GABPB2: variants seen among roughly 807,000 people sequenced by gnomAD.
GABPB2 encodes the protein GA binding protein transcription factor subunit beta 2.
A neutral mutation model predicts 39.1 loss-of-function variants in GABPB2; 23 were observed. That is an observed-to-expected ratio of 0.59 (90% CI 0.42 to 0.83). The LOEUF is 0.83. Among genes scored for constraint, GABPB2 ranks in the 40% least tolerant of loss-of-function variants. The pLI is 0.00. For synonymous variants in GABPB2, 184 were observed against 199.3 expected (o/e 0.92, Z 0.65); for missense variants, 467 against 541.1 (o/e 0.86, Z 1.36).
At chr1:151,077,751 G>A in intron 1 of GABPB2, among the ~76,000 whole-genome samples, 1 of 146,850 alleles carries the variant, frequency 6.8e-6, no homozygotes. Flanking sequence ...AGGAGTTCAA[G>A]ACCAGCCTGA....
intron 1 of GABPB2, among the ~76,000 whole-genome samples, chr1:151,074,791 C>A (rs1677030012): frequency 6.6e-6 from 1 of 152,006 alleles, no homozygotes; most frequent in Non-Finnish European, 1.5e-5. Context: ...TTACTATGGC[C>A]TGTTTTATCA....
At chr1:151,102,060 C>T (rs1292330391) in intron 5 of GABPB2, among the ~76,000 whole-genome samples, 1 of 152,188 alleles carries the variant, frequency 6.6e-6, no homozygotes, top group Non-Finnish European at 1.5e-5. Flanking sequence ...GTGGCTCATG[C>T]CTATAATCCC....
In GABPB2 at chr1:151,100,580, C is replaced by CT. The variant is rs35251516; in HGVS notation, c.622+2604dup. On this transcript the variant is annotated intron_variant, in intron 5 of 8. Coordinates refer to ENST00000368918, the MANE Select transcript of GABPB2 (RefSeq NM_144618.3). ...ACAAGTGTGAGCCACTGTGCCTGGC[C>CT]TTTTTTTTTTTTTTTTTTTTTTTTT... Among the ~76,000 whole-genome samples, 278 of 46,720 alleles carry CT rather than the reference C, an allele frequency of 6.0e-3. 86 individuals are homozygous for CT. Among genetic ancestry groups the CT allele is most frequent in the South Asian group, 0.013 (10 of 762 alleles). The allele number at this position is 46,720 out of a possible 152,430, so 30.7% of individuals were successfully genotyped here.
At chr1:151,084,853 A>G (rs1180720111) in intron 1 of GABPB2, among the ~76,000 whole-genome samples, 1 of 151,904 alleles carries the variant, frequency 6.6e-6, no homozygotes, top group Non-Finnish European at 1.5e-5. Flanking sequence ...TTTTTAAAAA[A>G]CATACCTGCC....
At chr1:151,100,183 C>T (rs1262917266) in intron 5 of GABPB2, among the ~76,000 whole-genome samples, 3 of 145,866 alleles carry the variant, frequency 2.1e-5, no homozygotes, top group African/African-American at 2.5e-5. Flanking sequence ...CTCGCTCTGT[C>T]GCCCAGGCTG....
Position 151,120,835 on chromosome 1 carries a change from C to T in GABPB2, c.*2579C>T, listed in dbSNP as rs1350339250. 3 of 150,564 alleles carry T rather than the reference C, an allele frequency of 2.0e-5. No individual in the cohort carries two copies. The highest frequency in any genetic ancestry group is 4.4e-5 in the Non-Finnish European group (3 of 67,886). 9.3% of individuals were successfully genotyped at this position (150,564 alleles called of 1,614,324 possible). A position where few individuals can be genotyped will look rare whatever the true frequency, so the allele number is the denominator to read the frequency against. On this transcript the variant is annotated 3_prime_UTR_variant, in exon 9 of 9. Transcript: ENST00000368918. The stretch of plus-strand genomic sequence containing the variant: ...GCAATGGTGTGATCTCAACTCACCG[C>T]AACTTCCACCTCCCGGTTTCAAGCT...
At chr1:151,104,890 T>C (rs1571963412) in intron 6 of GABPB2, among the ~76,000 whole-genome samples, 1 of 150,276 alleles carries the variant, frequency 6.7e-6, no homozygotes. Context: ...CTCTCTCTCT[T>C]TCTCTCTTTC....
At chr1:151,079,789 G>C (rs587711609) in intron 1 of GABPB2, among the ~76,000 whole-genome samples, 1 of 151,880 alleles carries the variant, frequency 6.6e-6, no homozygotes, top group Non-Finnish European at 1.5e-5. Flanking sequence ...CCAGCTACTC[G>C]GGAGGCTGAG....
In GABPB2 at chr1:151,117,964, A is replaced by G. The variant is rs750542693; in HGVS notation, c.1055A>G (p.Asn352Ser). Residue 352 changes from asparagine to serine, a missense_variant, in exon 9 of 9, where the codon AAT (asparagine) becomes AGT (serine). Coordinates refer to ENST00000368918, the MANE Select transcript of GABPB2 (RefSeq NM_144618.3). ...CATGGCTTACTTTTACAGGAAGGCAATGAAAGAGAGCTACTACAGCAACAA... is the reference window on the plus strand; with the variant it reads ...CATGGCTTACTTTTACAGGAAGGCAGTGAAAGAGAGCTACTACAGCAACAA... The part of the protein sequence containing the change: ...TNSVEESKEG[N>S]ERELLQQQLQ... The G allele has an allele frequency of 1.3e-5, 21 of 1,609,202 alleles. 1 individual carries two copies. The South Asian group carries it at 1.9e-4, about 14-fold the overall frequency.
At chr1:151,104,165 A>G (rs587599770) in intron 6 of GABPB2, among the ~76,000 whole-genome samples, 1 of 152,322 alleles carries the variant, frequency 6.6e-6, no homozygotes, top group South Asian at 2.1e-4. Context: ...AAAGGAGTTG[A>G]GCAAATATAG....
At chr1:151,116,130 G>A (rs1027409571) in intron 7 of GABPB2, among the ~76,000 whole-genome samples, 5 of 147,076 alleles carry the variant, frequency 3.4e-5, no homozygotes, top group African/African-American at 1.0e-4. Flanking sequence ...GGTAGCTCAC[G>A]CCTGTAATCC....
rs753881431 is a variant in GABPB2 at position 151,117,389 on chromosome 1, T to C, written c.923-3T>C. ...CCTCCAATTGGTGTCCTTTGACTTG[T>C]AGTTCTAACTGTACCTGCTGGTAAG... On this transcript the variant is annotated splice_polypyrimidine_tract_variant and splice_region_variant and intron_variant, in intron 7 of 8. Transcript: ENST00000368918. 4 of 1,613,356 alleles carry C rather than the reference T, an allele frequency of 2.5e-6. No homozygotes were observed. The highest frequency in any genetic ancestry group is 3.4e-6 in the Non-Finnish European group (4 of 1,179,580).
chr1:151,119,934 A>AG lies in GABPB2; in HGVS notation c.*1678_*1679insG, dbSNP rs1681118235. On this transcript the variant is annotated 3_prime_UTR_variant, in exon 9 of 9. Coordinates refer to ENST00000368918, the MANE Select transcript of GABPB2 (RefSeq NM_144618.3). Reference sequence around the variant, plus strand: ...AGACTCTGTCTCAAAAAAAAAAAAAAAGGAAATTGAAATAGAGTTTTTAAA... The same window carrying AG: ...AGACTCTGTCTCAAAAAAAAAAAAAAGAGGAAATTGAAATAGAGTTTTTAAA... 1 of 151,938 alleles carries AG rather than the reference A, an allele frequency of 6.6e-6. No individual in the cohort carries two copies. Among genetic ancestry groups the AG allele is most frequent in the East Asian group, 1.9e-4 (1 of 5,176 alleles). 9.4% of individuals were successfully genotyped at this position (151,938 alleles called of 1,614,324 possible).
intron 1 of GABPB2, among the ~76,000 whole-genome samples, chr1:151,080,357 C>T (rs1220264014): frequency 6.8e-6 from 1 of 146,760 alleles, no homozygotes; most frequent in Non-Finnish European, 1.5e-5. Flanking sequence ...ACTAAAAATA[C>T]AATATTAGCT....
At position 151,081,029 on chromosome 1, in the gene GABPB2, C is replaced by T. The variant is rs1226367382; in HGVS notation, c.1-7161C>T. Among the ~76,000 whole-genome samples the T allele has an allele frequency of 3.3e-5, 5 of 150,314 alleles. No individual in the cohort carries two copies. In the South Asian group the frequency reaches 6.3e-4, roughly 19 times the overall value. ...CTGGGACTACACGGGCCCACCACCACGCCCAGCTAATTTTTTTGTATTTTT... is the reference window on the plus strand; with the variant it reads ...CTGGGACTACACGGGCCCACCACCATGCCCAGCTAATTTTTTTGTATTTTT... On this transcript the variant is annotated intron_variant, in intron 1 of 8. Transcript: ENST00000368918.
chr1:151,095,860 C>T (rs1679058714), intron 4 of GABPB2, among the ~76,000 whole-genome samples: 1 of 151,766 alleles, frequency 6.6e-6, no homozygotes, highest in African/African-American at 2.4e-5. Flanking sequence ...ATGGTGAAAC[C>T]TCATCTTTAC....
At chr1:151,104,566 T>G (rs1679783674) in intron 6 of GABPB2, among the ~76,000 whole-genome samples, 1 of 152,216 alleles carries the variant, frequency 6.6e-6, no homozygotes, top group Non-Finnish European at 1.5e-5. Context: ...GATAAATCAC[T>G]TCTCCAGGTT....
intron 6 of GABPB2, among the ~76,000 whole-genome samples, chr1:151,106,093 C>T (rs988365762): frequency 1.3e-4 from 19 of 151,532 alleles, no homozygotes; most frequent in African/African-American, 4.6e-4. Flanking sequence ...TTCCAAGTAG[C>T]TGGGATTACA....
chr1:151,109,347 T>TCTATATACACAA (rs1553267294), intron 7 of GABPB2, among the ~76,000 whole-genome samples: 6 of 127,696 alleles, frequency 4.7e-5, no homozygotes, highest in African/African-American at 1.9e-4. Flanking sequence ...TACACAAATA[T>TCTATATACACAA]ATATATATAT....
Sources: allele counts gnomAD v4.1 joint callset (sites outside exome capture counted in the v4.1 genomes callset), GRCh38; gene constraint gnomAD v4.1.1; transcripts MANE v1.5; gene names NCBI Gene and HGNC (gene_info 2026-07-23, HGNC 2026-07-21).